DGKH: variants seen among roughly 807,000 people sequenced by gnomAD.
The protein encoded by DGKH is diacylglycerol kinase eta.
Under a neutral mutation model 159.3 loss-of-function variants are expected in DGKH, and 90 were observed. The observed-to-expected ratio is 0.57, with a 90% confidence interval of 0.48 to 0.67. DGKH has a LOEUF of 0.67. Among genes scored for constraint, DGKH ranks in the 30% least tolerant of loss-of-function variants. The probability of loss-of-function intolerance (pLI) is 0.00; values close to 1 mark genes in which losing one functional copy is unlikely to be tolerated. For synonymous variants in DGKH, 536 were observed against 553.8 expected (o/e 0.97, Z 0.45); for missense variants, 1,181 against 1,506.1 (o/e 0.78, Z 3.57).
intron 3 of DGKH, among the ~76,000 whole-genome samples, chr13:42,144,776 A>T (rs1257863028): frequency 2.6e-5 from 4 of 152,204 alleles, no homozygotes; most frequent in Non-Finnish European, 4.4e-5. Flanking sequence ...TACATCCTGT[A>T]TGAAATGCTT....
At chr13:42,053,470 ATATG>A (rs751857494) in intron 1 of DGKH, among the ~76,000 whole-genome samples, 1 of 147,204 alleles carries the variant, frequency 6.8e-6, no homozygotes, top group Non-Finnish European at 1.5e-5. Context: ...ATATATAACT[ATATG>A]TATAACTATA....
chr13:42,095,156 CTTTTTTT>C (rs776422302), intron 1 of DGKH, among the ~76,000 whole-genome samples: 2 of 76,800 alleles, frequency 2.6e-5, no homozygotes, highest in African/African-American at 5.5e-5. Context: ...ATGTTGACTC[CTTTTTTT>C]TTTTTTTTTT....
intron 30 of DGKH, among the ~76,000 whole-genome samples, chr13:42,253,389 C>T (rs1164908580): frequency 6.6e-6 from 1 of 152,150 alleles, no homozygotes; most frequent in Non-Finnish European, 1.5e-5. Flanking sequence ...ACTGAATCAG[C>T]CATTGCCTTG....
In DGKH at chr13:42,135,489, C is replaced by CACAAAAAAAAAAAA. The variant is rs1223953901; in HGVS notation, c.384+5858_384+5859insCAAAAAAAAAAAAA. Among the ~76,000 whole-genome samples, 51 of 50,440 alleles carry CACAAAAAAAAAAAA rather than the reference C, an allele frequency of 1.0e-3. 2 individuals are homozygous for CACAAAAAAAAAAAA. The highest frequency in any genetic ancestry group is 2.6e-3 in the South Asian group (3 of 1,146). The allele number at this position is 50,440 out of a possible 152,430, so 33.1% of individuals were successfully genotyped here. On this transcript the variant is annotated intron_variant, in intron 3 of 29. Coordinates refer to ENST00000337343, the MANE Select transcript of DGKH (RefSeq NM_178009.5). Reference sequence around the variant, plus strand: ...TGGGTGGCAGAGAAAGACCCTGTCTCAGAAAAAAAAAAAAAAAAAGAGAGA... The same window carrying CACAAAAAAAAAAAA: ...TGGGTGGCAGAGAAAGACCCTGTCTCACAAAAAAAAAAAAAGAAAAAAAAAAAAAAAAAGAGAGA...
At chr13:42,153,324 T>C (rs577647584) in intron 3 of DGKH, among the ~76,000 whole-genome samples, 41 of 152,340 alleles carry the variant, frequency 2.7e-4, no homozygotes, top group African/African-American at 9.4e-4. Context: ...AGACATTTAA[T>C]GTAAAGGCAC....
chr13:42,098,715 A>G (rs1247942875), intron 1 of DGKH, among the ~76,000 whole-genome samples: 1 of 152,236 alleles, frequency 6.6e-6, no homozygotes. Context: ...TTAATCTTAA[A>G]TTTGTTAATA....
chr13:42,101,488 G>A (rs1954651042), intron 1 of DGKH, among the ~76,000 whole-genome samples: 1 of 152,178 alleles, frequency 6.6e-6, no homozygotes, highest in South Asian at 2.1e-4. Flanking sequence ...ACAGTTCAAT[G>A]GTTCCATTTG....
chr13:42,243,566 T>C (rs1310735263), downstream of DGKH, among the ~76,000 whole-genome samples: 1 of 152,150 alleles, frequency 6.6e-6, no homozygotes, highest in Non-Finnish European at 1.5e-5. Flanking sequence ...CAGAGTGTTA[T>C]GTGCAGTGAT....
At position 42,233,763 on chromosome 13, in the gene DGKH, T is replaced by G. The variant is rs1287388486; in HGVS notation, c.*4575T>G. 1 of 152,238 alleles carries G rather than the reference T, an allele frequency of 6.6e-6. No homozygotes were observed. The highest frequency in any genetic ancestry group is 1.5e-5 in the Non-Finnish European group (1 of 68,040). 9.4% of individuals were successfully genotyped at this position (152,238 alleles called of 1,614,324 possible). On this transcript the variant is annotated 3_prime_UTR_variant, in exon 30 of 30. Transcript: ENST00000337343. The stretch of plus-strand genomic sequence containing the variant: ...AGTTTGTTGACATGTGGCATGTTCA[T>G]TTGTTCACAACTTAATCACGGGGGA...
intron 24 of DGKH, among the ~76,000 whole-genome samples, chr13:42,213,021 TTG>T (rs1566199581): frequency 6.6e-6 from 1 of 152,166 alleles, no homozygotes; most frequent in Admixed American, 6.5e-5. Context: ...GACTGAAAGG[TTG>T]GCATAGTATA....
chr13:42,211,935 G>T (rs1220925539), intron 24 of DGKH, among the ~76,000 whole-genome samples: 2 of 152,032 alleles, frequency 1.3e-5, no homozygotes, highest in Non-Finnish European at 2.9e-5. Flanking sequence ...ACCTCCCACT[G>T]GTCTCTCTCA....
intron 7 of DGKH, among the ~76,000 whole-genome samples, chr13:42,161,425 GATC>G (rs1289331635): frequency 1.3e-5 from 2 of 152,090 alleles, no homozygotes; most frequent in African/African-American, 4.8e-5. Context: ...AAGGTGGGCG[GATC>G]ATGGGGTCAG....
At chr13:42,054,802 C>G (rs962860073) in intron 1 of DGKH, among the ~76,000 whole-genome samples, 1 of 152,072 alleles carries the variant, frequency 6.6e-6, no homozygotes, top group Non-Finnish European at 1.5e-5. Context: ...TTGATTTAAT[C>G]ATTTCACAAT....
intron 1 of DGKH, among the ~76,000 whole-genome samples, chr13:42,073,596 C>T (rs1883115518): frequency 1.3e-5 from 2 of 152,142 alleles, no homozygotes; most frequent in South Asian, 4.1e-4. Context: ...GTGTTCTGAG[C>T]ACATGTAAAG....
intron 1 of DGKH, among the ~76,000 whole-genome samples, chr13:42,097,973 TAAGTC>T (rs1594023551): frequency 6.6e-6 from 1 of 152,230 alleles, no homozygotes; most frequent in Non-Finnish European, 1.5e-5. Flanking sequence ...CTGGTTGTGC[TAAGTC>T]AATTCTCAGC....
At position 42,229,113 on chromosome 13, in the gene DGKH, G is replaced by A. The variant is rs756904169; in HGVS notation, c.3588G>A (p.Pro1196=). ...TTTTATTTTAGGATCTGGGGATACC[G>A]AAAGTGGGTCATGTGAAGCGAATTC... The part of the protein sequence containing the change: ...ERRDLKDLGI[P]KVGHVKRILQ... Residue 1196 remains proline, a synonymous_variant, in exon 30 of 30, where the codon CCG becomes CCA. Transcript: ENST00000337343. The A allele has an allele frequency of 2.6e-5, 42 of 1,609,794 alleles. No individual in the cohort carries two copies. In the South Asian group the frequency reaches 3.7e-4, roughly 14 times the overall value.
intron 20 of DGKH, among the ~76,000 whole-genome samples, chr13:42,204,500 A>G (rs1957417202): frequency 6.6e-6 from 1 of 152,216 alleles, no homozygotes; most frequent in Non-Finnish European, 1.5e-5. Context: ...CACCATTCCA[A>G]TCAGCCAATA....
Position 42,241,128 on chromosome 13 carries a change from A to G in DGKH, c.*11940A>G, listed in dbSNP as rs986109185. ...CTCTGTCTCAAAAAAAAGAAAAAAA[A>G]TCAAAATAATTGTAATTAACTGAAA... On this transcript the variant is annotated 3_prime_UTR_variant, in exon 30 of 30. Transcript: ENST00000337343. 6.6e-6 allele frequency: 1 copy of G among 152,154 alleles called. No individual in the cohort carries two copies. Among genetic ancestry groups the G allele is most frequent in the Non-Finnish European group, 1.5e-5 (1 of 68,048 alleles). The allele number at this position is 152,154 out of a possible 1,614,324, so 9.4% of individuals were successfully genotyped here.
At chr13:42,220,790 C>G (rs1957947348) in intron 28 of DGKH, among the ~76,000 whole-genome samples, 1 of 152,150 alleles carries the variant, frequency 6.6e-6, no homozygotes, top group East Asian at 1.9e-4. Context: ...ATCAACACTA[C>G]ACTTGAAGTC....
Sources: allele counts gnomAD v4.1 joint callset (sites outside exome capture counted in the v4.1 genomes callset), GRCh38; gene constraint gnomAD v4.1.1; transcripts MANE v1.5; gene names NCBI Gene and HGNC (gene_info 2026-07-23, HGNC 2026-07-21).